Variants in CADM2 observed in about 807,000 individuals in gnomAD.
CADM2 encodes the protein immunoglobulin superfamily member 4D.
CADM2 carries 12 observed loss-of-function variants against 49.8 expected under a neutral mutation model. That is an observed-to-expected ratio of 0.24 (90% CI 0.15 to 0.39). The LOEUF is 0.39. CADM2 is among the 10% of genes least tolerant of loss of function. The pLI, the probability that CADM2 is intolerant of heterozygous loss-of-function variation, is 1.00. For missense variants in CADM2, 378 were observed against 492.3 expected, an observed-to-expected ratio of 0.77 and a Z score of 2.20; for synonymous variants, 214 against 175.4, an observed-to-expected ratio of 1.22 and a Z score of -1.74.
intron 1 of CADM2, among the ~76,000 whole-genome samples, chr3:85,448,352 AAAAT>A (rs1441373809): frequency 3.3e-5 from 4 of 122,192 alleles, no homozygotes; most frequent in African/African-American, 1.1e-4. Flanking sequence ...AAAAAAAAAA[AAAAT>A]CCTAGCAAAT....
At chr3:85,440,256 T>G (rs1410156104) in intron 1 of CADM2, among the ~76,000 whole-genome samples, 8 of 152,174 alleles carry the variant, frequency 5.3e-5, no homozygotes, top group Non-Finnish European at 2.9e-5. Context: ...TTAGGAAACG[T>G]GATTACTACA....
chr3:85,844,061 T>C (rs1454023749), intron 3 of CADM2, among the ~76,000 whole-genome samples: 1 of 152,130 alleles, frequency 6.6e-6, no homozygotes, highest in African/African-American at 2.4e-5. Flanking sequence ...GATAGGGGAC[T>C]GAAGCTTTCT....
chr3:86,013,431 CTAGAT>C, intron 8 of CADM2: 2 of 1,570,644 alleles, frequency 1.3e-6, no homozygotes, highest in Non-Finnish European at 1.7e-6. Context: ...TCTCTTTACC[CTAGAT>C]AACTTTCAAG....
intron 1 of CADM2, among the ~76,000 whole-genome samples, chr3:85,497,885 TTG>T (rs1378425528): frequency 3.3e-5 from 5 of 152,004 alleles, no homozygotes; most frequent in African/African-American, 9.7e-5. Flanking sequence ...CTATATGTAT[TTG>T]TGTGTGTGTT....
intron 1 of CADM2, among the ~76,000 whole-genome samples, chr3:85,603,416 C>T (rs897421585): frequency 2.0e-5 from 3 of 151,802 alleles, no homozygotes; most frequent in African/African-American, 4.8e-5. Context: ...TTTTTCTCAA[C>T]AAGTTGTTAG....
At chr3:86,062,428 T>G (rs1014699080) in intron 8 of CADM2, among the ~76,000 whole-genome samples, 6 of 152,122 alleles carry the variant, frequency 3.9e-5, no homozygotes, top group African/African-American at 1.4e-4. Flanking sequence ...CGTTTAATGT[T>G]TTTAAAGTAA....
intron 1 of CADM2, among the ~76,000 whole-genome samples, chr3:85,239,264 A>C (rs1234137102): frequency 6.6e-6 from 1 of 151,848 alleles, no homozygotes; most frequent in Non-Finnish European, 1.5e-5. Context: ...TTATATGCCG[A>C]TGTCTTTTGA....
intron 1 of CADM2, among the ~76,000 whole-genome samples, chr3:85,305,258 C>T (rs1180886005): frequency 6.6e-6 from 1 of 151,204 alleles, no homozygotes; most frequent in Non-Finnish European, 1.5e-5. Context: ...TCCTTCTTAC[C>T]ACAGTAGCTT....
rs934829364 is a variant in CADM2, at chr3:85,013,137, G to C, written c.61+53469G>C. The stretch of plus-strand genomic sequence containing the variant: ...TCAGAAGATTCTGTAATTTGCACTG[G>C]AAATTAAAAAAAAAAAAAAAATACC... On this transcript the variant is annotated intron_variant, in intron 1 of 9. Coordinates refer to ENST00000383699, the MANE Select transcript of CADM2 (RefSeq NM_001167675.2). Among the ~76,000 whole-genome samples, 4 of 109,876 alleles carry C rather than the reference G, an allele frequency of 3.6e-5. No homozygotes were observed. In the Admixed American group the frequency reaches 4.1e-4, roughly 11 times the overall value. The allele number at this position is 109,876 out of a possible 152,430, so 72.1% of individuals were successfully genotyped here.
intron 2 of CADM2, among the ~76,000 whole-genome samples, chr3:85,772,946 G>T (rs764613317): frequency 6.8e-6 from 1 of 147,630 alleles, no homozygotes; most frequent in South Asian, 2.1e-4. Flanking sequence ...CTAAAAATGT[G>T]ATCATTTTGC....
chr3:86,000,202 G>A (rs150626094), intron 8 of CADM2, among the ~76,000 whole-genome samples: 2 of 152,240 alleles, frequency 1.3e-5, no homozygotes, highest in East Asian at 3.9e-4. Context: ...GCTTTTACTT[G>A]ATGACCTGTA....
intron 1 of CADM2, among the ~76,000 whole-genome samples, chr3:85,232,045 G>T (rs2042303652): frequency 6.6e-6 from 1 of 151,586 alleles, no homozygotes; most frequent in Admixed American, 6.6e-5. Flanking sequence ...AAACTTAAGA[G>T]ATTTGTTCTC....
At chr3:85,013,754 C>T (rs752459489) in intron 1 of CADM2, among the ~76,000 whole-genome samples, 105 of 148,536 alleles carry the variant, frequency 7.1e-4, no homozygotes, top group Non-Finnish European at 1.2e-3. Context: ...TGGTCAACTA[C>T]GGTCCAAAAA....
intron 3 of CADM2, among the ~76,000 whole-genome samples, chr3:85,825,620 A>T (rs1036269146): frequency 6.6e-6 from 1 of 152,092 alleles, no homozygotes; most frequent in African/African-American, 2.4e-5. Flanking sequence ...CACTATGAGT[A>T]ACAAAATTAT....
At chr3:85,596,045 C>A (rs1355889860) in intron 1 of CADM2, among the ~76,000 whole-genome samples, 4 of 151,730 alleles carry the variant, frequency 2.6e-5, no homozygotes, top group African/African-American at 9.7e-5. Flanking sequence ...AAATTAATTA[C>A]TATATGATTT....
chr3:85,482,012 C>T (rs1179338848), intron 1 of CADM2, among the ~76,000 whole-genome samples: 1 of 151,616 alleles, frequency 6.6e-6, no homozygotes, highest in Non-Finnish European at 1.5e-5. Flanking sequence ...TTTCATATGT[C>T]ACAAGTGTAA....
intron 1 of CADM2, among the ~76,000 whole-genome samples, chr3:85,659,231 G>A (rs2065320670): frequency 2.0e-5 from 3 of 151,804 alleles, no homozygotes; most frequent in Admixed American, 1.3e-4. Context: ...TTTATTGAAA[G>A]TGGTATTTTC....
chr3:85,554,169 T>C (rs1327358307), intron 1 of CADM2, among the ~76,000 whole-genome samples: 1 of 152,078 alleles, frequency 6.6e-6, no homozygotes, highest in Admixed American at 6.6e-5. Flanking sequence ...AGGATGAAAC[T>C]GTTCCACCCC....
chr3:85,679,875 G>A (rs746865055), intron 1 of CADM2, among the ~76,000 whole-genome samples: 4 of 151,980 alleles, frequency 2.6e-5, no homozygotes, highest in Admixed American at 1.3e-4. Flanking sequence ...TCTCTATTGG[G>A]TATTAGTCAA....
Sources: gnomAD v4.1 joint callset for allele counts (sites outside exome capture counted in the v4.1 genomes callset) on GRCh38, gnomAD v4.1.1 for gene constraint, MANE v1.5 for transcripts, NCBI Gene and HGNC (gene_info 2026-07-23, HGNC 2026-07-21) for gene names.